ADCK1: variants seen among roughly 807,000 people sequenced by gnomAD.
The protein encoded by ADCK1 is aarF domain-containing protein kinase 1.
A neutral mutation model predicts 52.3 loss-of-function variants in ADCK1; 41 were observed. The observed-to-expected ratio is 0.78, with a 90% CI of 0.61 to 1.02. ADCK1 has a LOEUF of 1.02. Among genes scored for constraint, ADCK1 ranks in the 50% least tolerant of loss-of-function variants. The probability of loss-of-function intolerance (pLI) is 0.00; values close to 1 mark genes in which losing one functional copy is unlikely to be tolerated. For missense variants in ADCK1, 658 were observed against 679.5 expected, an observed-to-expected ratio of 0.97 and a Z score of 0.35; for synonymous variants, 250 against 274.6, an observed-to-expected ratio of 0.91 and a Z score of 0.89.
Position 77,925,789 on chromosome 14 carries a change from A to G in ADCK1, c.1034A>G (p.Asn345Ser). The change falls in exon 9 of 11, where the codon AAT (asparagine) becomes AGT (serine). Residue 345 changes from asparagine (N) to serine (S), a missense_variant. Transcript: ENST00000238561. Reference sequence around the variant, plus strand: ...ATGCTCACGGAAGAATTCCGCCTGAATTACTGCCACCTCTGGCAGTCTCTG... The same window carrying G: ...ATGCTCACGGAAGAATTCCGCCTGAGTTACTGCCACCTCTGGCAGTCTCTG... ...YQMLTEEFRL[N>S]YCHLWQSLIW... The G allele has an allele frequency of 1.2e-6, 2 of 1,614,138 alleles. No homozygotes were observed. The highest frequency in any genetic ancestry group is 4.5e-5 in the East Asian group (2 of 44,874).
At chr14:77,883,336 G>T (rs1228157443) in intron 4 of ADCK1, among the ~76,000 whole-genome samples, 1 of 150,662 alleles carries the variant, frequency 6.6e-6, no homozygotes, top group African/African-American at 2.4e-5. Context: ...TTCTGGTAAT[G>T]GTTTTCTGCT....
intron 4 of ADCK1, among the ~76,000 whole-genome samples, chr14:77,884,601 T>A (rs2083106747): frequency 6.6e-6 from 1 of 151,884 alleles, no homozygotes; most frequent in Non-Finnish European, 1.5e-5. Flanking sequence ...AATCATAGGG[T>A]GGGTACTCAG....
At chr14:77,931,040 G>A (rs1035663235) in intron 9 of ADCK1, among the ~76,000 whole-genome samples, 9 of 152,168 alleles carry the variant, frequency 5.9e-5, no homozygotes, top group Middle Eastern at 3.2e-3. Flanking sequence ...GCTCTCATGC[G>A]AGGACAGTGG....
rs58057378 is a variant in ADCK1, at chr14:77,905,304, G to GTTTTTTTTT, written c.742-2487_742-2479dup. Among the ~76,000 whole-genome samples, 47 of 96,268 alleles carry GTTTTTTTTT rather than the reference G, an allele frequency of 4.9e-4. 3 individuals carry two copies. Among genetic ancestry groups the GTTTTTTTTT allele is most frequent in the African/African-American group, 7.4e-4 (17 of 23,104 alleles). 63.2% of individuals were successfully genotyped at this position (96,268 alleles called of 152,430 possible). A position where few individuals can be genotyped will look rare whatever the true frequency, so the allele number is the denominator to read the frequency against. On this transcript the variant is annotated intron_variant, in intron 6 of 10. Coordinates refer to ENST00000238561, the MANE Select transcript of ADCK1 (RefSeq NM_020421.4). Reference sequence around the variant, plus strand: ...TCCACCTGTGACTCTTTCCTAGCTGGTTTTTTTTTTTTTTTTTTTTGAGAT... The same window carrying GTTTTTTTTT: ...TCCACCTGTGACTCTTTCCTAGCTGGTTTTTTTTTTTTTTTTTTTTTTTTTTTTTGAGAT...
At chr14:77,811,074 C>T (rs2081330416) in intron 1 of ADCK1, among the ~76,000 whole-genome samples, 1 of 151,596 alleles carries the variant, frequency 6.6e-6, no homozygotes, top group South Asian at 2.1e-4. Flanking sequence ...ATACTCCAGG[C>T]TGAGGGTGTA....
At chr14:77,885,092 G>A (rs2140202023) in intron 4 of ADCK1, among the ~76,000 whole-genome samples, 1 of 152,332 alleles carries the variant, frequency 6.6e-6, no homozygotes, top group Middle Eastern at 3.4e-3. Context: ...CTGTTCTAGG[G>A]AGTTGCAGGA....
At chr14:77,876,337 A>G (rs899436553) in intron 4 of ADCK1, among the ~76,000 whole-genome samples, 1 of 152,072 alleles carries the variant, frequency 6.6e-6, no homozygotes, top group Non-Finnish European at 1.5e-5. Context: ...TCACCTCTGC[A>G]TCTGTCATGT....
chr14:77,864,280 G>A (rs975771627), intron 4 of ADCK1, among the ~76,000 whole-genome samples: 4 of 152,224 alleles, frequency 2.6e-5, no homozygotes, highest in African/African-American at 9.6e-5. Context: ...AGGGCAGCTT[G>A]TCTTGTTTGC....
chr14:77,932,767 G>A (rs1272051677), intron 10 of ADCK1, among the ~76,000 whole-genome samples: 1 of 152,188 alleles, frequency 6.6e-6, no homozygotes, highest in Non-Finnish European at 1.5e-5. Flanking sequence ...TTTTGTTGGT[G>A]CAGAAGGGAT....
intron 3 of ADCK1, among the ~76,000 whole-genome samples, chr14:77,856,352 C>T (rs2082416456): frequency 6.6e-6 from 1 of 152,196 alleles, no homozygotes. Context: ...AATCAAAGGT[C>T]AGTTTGGGGT....
rs374076112 is a variant in ADCK1 at position 77,838,487 on chromosome 14, C to G, written c.219+15969C>G. ...TCATGGCTCACTGCAGCCTGGACTT[C>G]CCAGGCTCAGGTGGTTCTCCCACTT... On this transcript the variant is annotated intron_variant, in intron 3 of 10. Coordinates refer to ENST00000238561, the MANE Select transcript of ADCK1 (RefSeq NM_020421.4). Among the ~76,000 whole-genome samples, 44 of 152,262 alleles carry G rather than the reference C, an allele frequency of 2.9e-4. 2 individuals are homozygous for G. The East Asian group carries it at 8.5e-3, about 29-fold the overall frequency.
At chr14:77,862,778 G>T (rs1450626130) in intron 4 of ADCK1, among the ~76,000 whole-genome samples, 6 of 152,198 alleles carry the variant, frequency 3.9e-5, no homozygotes, top group Admixed American at 2.6e-4. Flanking sequence ...TGTAGCCAGG[G>T]ATGGGTACGA....
At chr14:77,809,816 C>A (rs1370257682) in intron 1 of ADCK1, among the ~76,000 whole-genome samples, 2 of 151,394 alleles carry the variant, frequency 1.3e-5, no homozygotes, top group Admixed American at 1.3e-4. Context: ...GGGAGTATCA[C>A]CTGAGGCCAG....
chr14:77,845,768 T>A (rs1308298858), intron 3 of ADCK1, among the ~76,000 whole-genome samples: 3 of 152,148 alleles, frequency 2.0e-5, no homozygotes, highest in Non-Finnish European at 2.9e-5. Context: ...AGATTCTTGG[T>A]GGACACAGAC....
intron 3 of ADCK1, among the ~76,000 whole-genome samples, chr14:77,836,567 T>C (rs912581680): frequency 2.6e-5 from 4 of 152,146 alleles, no homozygotes; most frequent in African/African-American, 9.7e-5. Context: ...TTGGGTGGTT[T>C]AAGGCAATAG....
intron 4 of ADCK1, among the ~76,000 whole-genome samples, chr14:77,871,238 T>C (rs74812950): frequency 0.031 from 4,699 of 152,282 alleles, 132 homozygotes; most frequent in South Asian, 0.095. Context: ...AACCAGTGGC[T>C]ACTGTGGGCA....
chr14:77,855,476 C>A (rs1033464182), intron 3 of ADCK1, among the ~76,000 whole-genome samples: 2 of 152,246 alleles, frequency 1.3e-5, no homozygotes, highest in African/African-American at 2.4e-5. Flanking sequence ...GTGTTCTTAA[C>A]TGCAGAACTA....
chr14:77,870,295 C>G (rs1352157754), intron 4 of ADCK1, among the ~76,000 whole-genome samples: 1 of 152,226 alleles, frequency 6.6e-6, no homozygotes, highest in Non-Finnish European at 1.5e-5. Context: ...CTCCACTCTT[C>G]CCGCTATGCA....
chr14:77,830,862 T>C (rs984480328), intron 3 of ADCK1, among the ~76,000 whole-genome samples: 59 of 152,306 alleles, frequency 3.9e-4, no homozygotes, highest in African/African-American at 1.4e-3. Context: ...TGGTATCAGA[T>C]GATTCAGGTC....
Sources: allele counts gnomAD v4.1 joint callset (sites outside exome capture counted in the v4.1 genomes callset), GRCh38; gene constraint gnomAD v4.1.1; transcripts MANE v1.5; gene names NCBI Gene and HGNC (gene_info 2026-07-23, HGNC 2026-07-21).